Variants in UMODL1 observed in about 807,000 individuals in gnomAD.
UMODL1 encodes uromodulin-like 1.
In UMODL1, 128 loss-of-function variants were observed where a neutral mutation model predicts 136.3. The observed-to-expected ratio is 0.94, with a 90% CI of 0.81 to 1.09. The LOEUF is 1.09. Ranked by LOEUF, UMODL1 falls within the 50% of genes least tolerant of loss-of-function variation. UMODL1 has a pLI of 0.00. For synonymous variants in UMODL1, 721 were observed against 720.0 expected (o/e 1.00, Z -0.02); for missense variants, 1,766 against 1,725.6 (o/e 1.02, Z -0.41).
At position 42,088,484 on chromosome 21, in the gene UMODL1, G is replaced by A. The variant is rs752671743; in HGVS notation, c.790+4G>A. On this transcript the variant is annotated splice_donor_region_variant and intron_variant, in intron 5 of 22. Transcript: ENST00000408910. The stretch of plus-strand genomic sequence containing the variant: ...GTGATCAGCGTCCAGGTGCAAGGTT[G>A]GGCTTCCCTCAATCCTCCCTCTGGG... 2.5e-6 allele frequency: 4 copies of A among 1,591,362 alleles called. No individual in the cohort carries two copies. Among genetic ancestry groups the A allele is most frequent in the Non-Finnish European group, 3.4e-6 (4 of 1,162,030 alleles).
In UMODL1 at chr21:42,090,448, A is replaced by T. The variant is rs1487182870; in HGVS notation, c.931+10A>T. On this transcript the variant is annotated intron_variant, in intron 6 of 22. Transcript: ENST00000408910. ...AACCTGGAGTGGGAAGGTAATGGCTAGGCTCTCTCAGATGGCATGGGAATG... is the reference window on the plus strand; with the variant it reads ...AACCTGGAGTGGGAAGGTAATGGCTTGGCTCTCTCAGATGGCATGGGAATG... 2.5e-6 allele frequency: 4 copies of T among 1,613,332 alleles called. No individual in the cohort carries two copies. In the African/African-American group the frequency reaches 5.3e-5, roughly 22 times the overall value.
chr21:42,109,027 A>C (rs1342141312), intron 9 of UMODL1, among the ~76,000 whole-genome samples: 1 of 115,140 alleles, frequency 8.7e-6, no homozygotes, highest in Non-Finnish European at 1.7e-5. Flanking sequence ...AGCTCATGTT[A>C]TACTCCACTG....
chr21:42,117,974 A>T (rs1250585142), intron 14 of UMODL1, among the ~76,000 whole-genome samples: 1 of 152,182 alleles, frequency 6.6e-6, no homozygotes, highest in Admixed American at 6.5e-5. Context: ...GACAGCAAAT[A>T]ATTATACAAC....
intron 17 of UMODL1, 63 bp from the exon 18 acceptor site, chr21:42,126,282 C>A (rs2067051991): frequency 6.2e-7 from 1 of 1,604,590 alleles, no homozygotes; most frequent in Non-Finnish European, 8.5e-7. Flanking sequence ...AGCCGTGGCC[C>A]ACAGCAGGGC....
At chr21:42,124,983 G>A (rs774963367) in intron 17 of UMODL1, among the ~76,000 whole-genome samples, 28 of 152,298 alleles carry the variant, frequency 1.8e-4, no homozygotes, top group African/African-American at 5.3e-4. Context: ...ACCTGACACC[G>A]AGAAGCAGCC....
rs2066997696 is a variant in UMODL1, at chr21:42,122,971, AG to A, written c.2971del (p.Val991CysfsTer36). 1.2e-6 allele frequency: 2 copies of A among 1,613,920 alleles called. No homozygotes were observed. Among genetic ancestry groups the A allele is most frequent in the African/African-American group, 1.3e-5 (1 of 74,912 alleles). On this transcript the variant is annotated frameshift_variant, in exon 17 of 23. Transcript: ENST00000408910. LOFTEE classifies it high-confidence loss of function. This position sits in a 1 kb window ranked among gnomAD's most constrained non-coding sequence, Gnocchi z 4.3. ...GCGGCTGAACCTGACCGGAGCAGTC[AG>A]GGTGCTCTGTGAGATCGAGAAGGTG... ...PQRLNLTGAV[R>X]VLCEIEKVVV...
chr21:42,137,536 GATCGTGCGCTACCAGAGA>G lies in UMODL1; in HGVS notation c.3876_3893del (p.Ile1292_Arg1297del). Reference sequence around the variant, plus strand: ...TGGTGGCGGGAACAGCCACCCTTCTGATCGTGCGCTACCAGAGAATGAATGGGAGATACAACTTTAAAA... The same window carrying G: ...TGGTGGCGGGAACAGCCACCCTTCTGATGAATGGGAGATACAACTTTAAAA... On this transcript the variant is annotated inframe_deletion, in exon 22 of 23. Transcript: ENST00000408910. 1 of 1,614,242 alleles carries G rather than the reference GATCGTGCGCTACCAGAGA, an allele frequency of 6.2e-7. No homozygotes were observed. Among genetic ancestry groups the G allele is most frequent in the Middle Eastern group, 1.6e-4 (1 of 6,062 alleles).
intron 9 of UMODL1, among the ~76,000 whole-genome samples, chr21:42,107,260 G>A (rs1265936495): frequency 1.3e-5 from 2 of 152,178 alleles, no homozygotes. Flanking sequence ...CCTCTGCACC[G>A]ACCTTAGCCA....
chr21:42,118,884 T>C (rs1445437651), intron 14 of UMODL1, among the ~76,000 whole-genome samples: 3 of 151,868 alleles, frequency 2.0e-5, no homozygotes, highest in Non-Finnish European at 4.4e-5. Context: ...TTTACTGGTT[T>C]GGGGGGGGAA....
At position 42,123,529 on chromosome 21, in the gene UMODL1, A is replaced by G. The variant is rs796716968; in HGVS notation, c.3147+379A>G. 4.0e-5 allele frequency among the ~76,000 whole-genome samples: 6 copies of G among 151,256 alleles called. 1 individual carries two copies. Among genetic ancestry groups the G allele is most frequent in the African/African-American group, 1.2e-4 (5 of 41,136 alleles). On this transcript the variant is annotated intron_variant, in intron 17 of 22. Coordinates refer to ENST00000408910, the MANE Select transcript of UMODL1 (RefSeq NM_001004416.3). This position sits in a 1 kb window ranked among gnomAD's most constrained non-coding sequence, Gnocchi z 4.4. Reference sequence around the variant, plus strand: ...TGTGCATGTGTGCATGTGTCTGAATATGTCTGTGTATGTGGGGGTGTGCAT... The same window carrying G: ...TGTGCATGTGTGCATGTGTCTGAATGTGTCTGTGTATGTGGGGGTGTGCAT...
chr21:42,101,566 G>T, intron 7 of UMODL1: 2 of 376,338 alleles, frequency 5.3e-6, no homozygotes, highest in Non-Finnish European at 1.1e-5. Flanking sequence ...CGACGCTTGG[G>T]TTGTGCATGC....
rs2066934096 is a variant in UMODL1 at position 42,119,001 on chromosome 21, G to A, written c.2476-110G>A. 2.7e-5 allele frequency: 31 copies of A among 1,129,744 alleles called. 1 individual carries two copies. In the South Asian group the frequency reaches 4.2e-4, roughly 15 times the overall value. The allele number at this position is 1,129,744 out of a possible 1,614,324, so 70.0% of individuals were successfully genotyped here. On this transcript the variant is annotated intron_variant, in intron 14 of 22. Transcript: ENST00000408910. The stretch of plus-strand genomic sequence containing the variant: ...AACCAACCTGTGGCTTTTACTTTGT[G>A]CCACGGGCCAGCCCTGCTGCTGGGC...
chr21:42,071,432 AG>A, intron 1 of UMODL1, 40 bp downstream of exon 1: 1 of 1,515,382 alleles, frequency 6.6e-7, no homozygotes, highest in Non-Finnish European at 8.8e-7. Flanking sequence ...TCTTAAGGAC[AG>A]GGGCTTCCTG....
Position 42,094,664 on chromosome 21 carries a change from G to C in UMODL1, c.931+4226G>C, listed in dbSNP as rs1037465157. On this transcript the variant is annotated intron_variant, in intron 6 of 22. Coordinates refer to ENST00000408910, the MANE Select transcript of UMODL1 (RefSeq NM_001004416.3). ...CAAGTTATAGGGGCCTACCCTGGAA[G>C]AGAGGAGTCGGGGGTAGAAGGAAGA... 2.0e-5 allele frequency among the ~76,000 whole-genome samples: 3 copies of C among 152,224 alleles called. No homozygotes were observed. In the East Asian group the frequency reaches 5.8e-4, roughly 29 times the overall value.
intron 21 of UMODL1, among the ~76,000 whole-genome samples, chr21:42,130,087 G>A (rs2067113851): frequency 6.6e-6 from 1 of 152,186 alleles, no homozygotes; most frequent in African/African-American, 2.4e-5. Flanking sequence ...GCTTCAAGAG[G>A]CCAGGCACAA....
chr21:42,067,921 A>G (rs1313937442), upstream of UMODL1, among the ~76,000 whole-genome samples: 1 of 152,248 alleles, frequency 6.6e-6, no homozygotes. Context: ...TGTGATAAGA[A>G]AGCCGAGCTT....
chr21:42,067,850 G>A (rs1294810502), upstream of UMODL1, among the ~76,000 whole-genome samples: 3 of 152,238 alleles, frequency 2.0e-5, no homozygotes, highest in Non-Finnish European at 4.4e-5. Flanking sequence ...CCCGGCAACT[G>A]CTGCCCGTGG....
At chr21:42,076,679 G>A (rs560490928) in intron 2 of UMODL1, among the ~76,000 whole-genome samples, 17 of 152,324 alleles carry the variant, frequency 1.1e-4, no homozygotes, top group African/African-American at 3.4e-4. Context: ...CTGAGTGTGA[G>A]AGCCAGCACT....
intron 10 of UMODL1, among the ~76,000 whole-genome samples, chr21:42,109,902 A>C (rs528073763): frequency 6.6e-6 from 1 of 152,390 alleles, no homozygotes; most frequent in African/African-American, 2.4e-5. Flanking sequence ...AAAACAATGA[A>C]TCTAGCTTGG....
Sources: allele counts gnomAD v4.1 joint callset (sites outside exome capture counted in the v4.1 genomes callset), GRCh38; gene constraint gnomAD v4.1.1; non-coding constraint Gnocchi (gnomAD v3.1); transcripts MANE v1.5; gene names NCBI Gene and HGNC (gene_info 2026-07-23, HGNC 2026-07-21).